The following GLI3 variants were observed in gnomAD, a reference collection of about 807,000 sequenced individuals.
GLI3 encodes transcription activator GLI3.
Under a neutral mutation model 100.8 loss-of-function variants are expected in GLI3, and 20 were observed. The ratio of observed to expected loss-of-function variants is 0.20; its 90% CI spans 0.14 to 0.29. The LOEUF is 0.29. Among genes scored for constraint, GLI3 ranks in the 10% least tolerant of loss-of-function variants. The probability of loss-of-function intolerance (pLI) is 1.00; values close to 1 mark genes in which losing one functional copy is unlikely to be tolerated. For synonymous variants in GLI3, 938 were observed against 860.5 expected (o/e 1.09, Z -1.58); for missense variants, 2,040 against 2,128.5 (o/e 0.96, Z 0.82).
At chr7:42,206,938 T>A (rs1412224252) in intron 2 of GLI3, among the ~76,000 whole-genome samples, 1 of 152,134 alleles carries the variant, frequency 6.6e-6, no homozygotes, top group African/African-American at 2.4e-5. Flanking sequence ...AAACGGCCGA[T>A]AAATATCTTA....
chr7:42,233,706 C>A (rs907934808), intron 1 of GLI3, among the ~76,000 whole-genome samples: 1 of 152,088 alleles, frequency 6.6e-6, no homozygotes, highest in African/African-American at 2.4e-5. Flanking sequence ...GCAGCAGTAC[C>A]CCCTGCCCTG....
At chr7:42,129,506 T>C (rs147349483) in intron 3 of GLI3, among the ~76,000 whole-genome samples, 1,642 of 152,290 alleles carry the variant, frequency 0.011, 26 homozygotes, top group African/African-American at 0.037. Flanking sequence ...TGGCAGCTGA[T>C]TCACCTAAGA....
At chr7:42,178,340 C>A (rs1431189869) in intron 2 of GLI3, among the ~76,000 whole-genome samples, 1 of 152,202 alleles carries the variant, frequency 6.6e-6, no homozygotes, top group Non-Finnish European at 1.5e-5. Context: ...GATGCAGGCG[C>A]TTAATTCCAT....
At chr7:42,068,560 A>G (rs1210408248) in intron 4 of GLI3, among the ~76,000 whole-genome samples, 1 of 152,192 alleles carries the variant, frequency 6.6e-6, no homozygotes, top group Non-Finnish European at 1.5e-5. Flanking sequence ...AAAAGTTAGC[A>G]AGCAGGTTCC....
At chr7:42,101,351 A>G (rs1251502618) in intron 3 of GLI3, among the ~76,000 whole-genome samples, 1 of 152,212 alleles carries the variant, frequency 6.6e-6, no homozygotes, top group Non-Finnish European at 1.5e-5. Context: ...CTGTAATCCC[A>G]GCACTTTGGG....
intron 2 of GLI3, among the ~76,000 whole-genome samples, chr7:42,183,205 C>T (rs1410990786): frequency 6.6e-6 from 1 of 152,114 alleles, no homozygotes; most frequent in South Asian, 2.1e-4. Flanking sequence ...GCCTGGGTGA[C>T]AGAATGAGAC....
At chr7:42,158,494 T>C (rs1428202332) in intron 2 of GLI3, among the ~76,000 whole-genome samples, 2 of 144,602 alleles carry the variant, frequency 1.4e-5, no homozygotes, top group Non-Finnish European at 3.1e-5. Context: ...GTGAAGACTA[T>C]TTTTTTTTTT....
chr7:42,003,886 T>C (rs868484671), intron 10 of GLI3, among the ~76,000 whole-genome samples: 79 of 152,268 alleles, frequency 5.2e-4, no homozygotes, highest in African/African-American at 1.8e-3. Context: ...GAAACAAAGA[T>C]ATAAATCTCA....
intron 2 of GLI3, among the ~76,000 whole-genome samples, chr7:42,200,843 C>A (rs1788024263): frequency 6.6e-6 from 1 of 151,926 alleles, no homozygotes; most frequent in Admixed American, 6.6e-5. Context: ...ATTGGTTAAA[C>A]CTGAGCCTGT....
chr7:42,056,255 G>C (rs1260326249), intron 4 of GLI3, among the ~76,000 whole-genome samples: 1 of 152,152 alleles, frequency 6.6e-6, no homozygotes, highest in African/African-American at 2.4e-5. Context: ...TTCTGCACTT[G>C]GGAGAGATTT....
chr7:41,992,193 A>G (rs1318640807), intron 10 of GLI3, among the ~76,000 whole-genome samples: 2 of 152,244 alleles, frequency 1.3e-5, no homozygotes, highest in Non-Finnish European at 2.9e-5. Flanking sequence ...GTGACCTTGA[A>G]CTACAGCAGT....
In GLI3 at chr7:41,985,516, G is replaced by A. The variant is rs146822260; in HGVS notation, c.1498-6768C>T. 9.7e-3 allele frequency among the ~76,000 whole-genome samples: 1,468 copies of A among 151,990 alleles called. 25 individuals are homozygous for A. Among genetic ancestry groups the A allele is most frequent in the African/African-American group, 0.034 (1,397 of 41,458 alleles). ...CTCTTTAGGTAGTATTACTCTTTAGGTAGTAGTCCAGAAATATTTCTGAAA... is the reference window on the plus strand; with the variant it reads ...CTCTTTAGGTAGTATTACTCTTTAGATAGTAGTCCAGAAATATTTCTGAAA... On this transcript the variant is annotated intron_variant, in intron 10 of 14. Coordinates refer to ENST00000395925, the MANE Select transcript of GLI3 (RefSeq NM_000168.6).
chr7:42,085,015 G>A (rs1371006241), intron 3 of GLI3, among the ~76,000 whole-genome samples: 5 of 142,274 alleles, frequency 3.5e-5, no homozygotes, highest in South Asian at 2.2e-4. Flanking sequence ...GGGTTCAAGC[G>A]ATTCTCGTGC....
intron 5 of GLI3, among the ~76,000 whole-genome samples, chr7:42,047,459 C>T (rs553147283): frequency 6.6e-6 from 1 of 152,310 alleles, no homozygotes; most frequent in African/African-American, 2.4e-5. Flanking sequence ...TGATGTGGAA[C>T]AGGCAGTGGT....
chr7:42,144,438 C>A (rs145997968), intron 3 of GLI3, among the ~76,000 whole-genome samples: 1 of 152,134 alleles, frequency 6.6e-6, no homozygotes, highest in Non-Finnish European at 1.5e-5. Context: ...CCGTCCACTG[C>A]GACCCTTCAT....
At chr7:42,012,374 C>A (rs1164869195) in intron 10 of GLI3, among the ~76,000 whole-genome samples, 1 of 151,948 alleles carries the variant, frequency 6.6e-6, no homozygotes, top group Non-Finnish European at 1.5e-5. Flanking sequence ...CACCTTGCTC[C>A]TCTCCCCCCT....
At chr7:42,246,807 T>A (rs73688683) in intron 1 of GLI3, among the ~76,000 whole-genome samples, 37 of 34,818 alleles carry the variant, frequency 1.1e-3, no homozygotes, top group African/African-American at 5.4e-3. Flanking sequence ...GATAGAATCT[T>A]TTTTTTTTTT....
At chr7:42,048,372 A>G in intron 5 of GLI3, 119 bp downstream of exon 5, 1 of 781,898 alleles carries the variant, frequency 1.3e-6, no homozygotes, top group East Asian at 2.5e-5. Context: ...GGCACAGAGC[A>G]CAGCGCCTGG....
chr7:42,148,979 T>C (rs1367010274), intron 2 of GLI3, among the ~76,000 whole-genome samples: 1 of 152,222 alleles, frequency 6.6e-6, no homozygotes, highest in Admixed American at 6.5e-5. Context: ...AATGACCTAT[T>C]AGGAAGCTAT....
Sources: allele counts gnomAD v4.1 joint callset (sites outside exome capture counted in the v4.1 genomes callset), GRCh38; gene constraint gnomAD v4.1.1; transcripts MANE v1.5; gene names NCBI Gene and HGNC (gene_info 2026-07-23, HGNC 2026-07-21).